Variants in SRGAP1 observed in about 807,000 individuals in gnomAD.
SRGAP1 encodes SLIT-ROBO Rho GTPase activating protein 1.
SRGAP1 carries 43 observed loss-of-function variants against 121.9 expected under a neutral mutation model. That is an observed-to-expected ratio of 0.35 (90% CI 0.28 to 0.46). The LOEUF (loss-of-function observed/expected upper bound fraction) is 0.46, where lower values mean the gene tolerates loss of function less well. Among genes scored for constraint, SRGAP1 ranks in the 20% least tolerant of loss-of-function variants. The probability of loss-of-function intolerance (pLI) is 1.00; values close to 1 mark genes in which losing one functional copy is unlikely to be tolerated. For synonymous variants in SRGAP1, 447 were observed against 485.4 expected (o/e 0.92, Z 1.04); for missense variants, 1,102 against 1,350.9 (o/e 0.82, Z 2.89).
intron 1 of SRGAP1, among the ~76,000 whole-genome samples, chr12:63,856,826 A>G (rs1899268013): frequency 6.6e-6 from 1 of 152,144 alleles, no homozygotes; most frequent in Non-Finnish European, 1.5e-5. Flanking sequence ...TCCATTGAAA[A>G]CACATTGGCA....
chr12:63,969,374 T>C (rs1026453847), intron 1 of SRGAP1, among the ~76,000 whole-genome samples: 4 of 152,212 alleles, frequency 2.6e-5, no homozygotes, highest in Admixed American at 1.3e-4. Context: ...CCGAATAACC[T>C]ACTCTTTCGT....
At chr12:63,879,798 A>T (rs1166359978) in intron 1 of SRGAP1, among the ~76,000 whole-genome samples, 1 of 152,210 alleles carries the variant, frequency 6.6e-6, no homozygotes, top group East Asian at 1.9e-4. Context: ...TATCTACCCA[A>T]ATCCATGTTC....
intron 8 of SRGAP1, among the ~76,000 whole-genome samples, chr12:64,070,852 C>T (rs2035624309): frequency 6.6e-6 from 1 of 152,102 alleles, no homozygotes; most frequent in African/African-American, 2.4e-5. Flanking sequence ...TCTTATAGTA[C>T]CAGTGACCTC....
intron 14 of SRGAP1, among the ~76,000 whole-genome samples, chr12:64,095,812 A>G (rs1464623630): frequency 1.3e-5 from 2 of 152,180 alleles, no homozygotes; most frequent in Non-Finnish European, 1.5e-5. Context: ...CCAGGCATAC[A>G]GTGTGTAATG....
At chr12:64,086,679 G>A (rs2035945373) in intron 10 of SRGAP1, among the ~76,000 whole-genome samples, 1 of 146,608 alleles carries the variant, frequency 6.8e-6, no homozygotes, top group Admixed American at 6.9e-5. Flanking sequence ...TTTCATTTTT[G>A]GGCTTACAGT....
At chr12:63,960,289 CCTCCGGAG>C (rs1322055467) in intron 1 of SRGAP1, among the ~76,000 whole-genome samples, 1 of 152,084 alleles carries the variant, frequency 6.6e-6, no homozygotes, top group Non-Finnish European at 1.5e-5. Flanking sequence ...TGAGGGTTCC[CCTCCGGAG>C]CTTCTGTGGG....
intron 1 of SRGAP1, among the ~76,000 whole-genome samples, chr12:63,892,783 G>T (rs1354135551): frequency 6.6e-6 from 1 of 152,074 alleles, no homozygotes; most frequent in African/African-American, 2.4e-5. Flanking sequence ...TTGAAAAAGG[G>T]CACAATCTAG....
intron 1 of SRGAP1, among the ~76,000 whole-genome samples, chr12:63,980,090 G>T (rs2033207110): frequency 1.3e-5 from 2 of 152,182 alleles, no homozygotes; most frequent in South Asian, 2.1e-4. Flanking sequence ...TCACTCTGTT[G>T]TCCGGGCTGG....
rs1052632040 is a variant in SRGAP1 at position 64,108,975 on chromosome 12, C to G, written c.1857C>G (p.Leu619=). ...LYERALHIRK[L]LLTLPRSVLI... is the part of the protein sequence containing the mutation. ...AGAGGGCGCTTCACATCCGCAAACTCCTCCTGACTTTGCCCAGGTCGGTCC... is the reference window on the plus strand; with the variant it reads ...AGAGGGCGCTTCACATCCGCAAACTGCTCCTGACTTTGCCCAGGTCGGTCC... Residue 619 remains leucine, a synonymous_variant, in exon 16 of 22, where the codon CTC becomes CTG. Transcript: ENST00000355086. 6.2e-7 allele frequency: 1 copy of G among 1,604,776 alleles called. No individual in the cohort carries two copies. The highest frequency in any genetic ancestry group is 1.3e-5 in the African/African-American group (1 of 74,926).
chr12:64,092,295 A>G (rs904619531), intron 12 of SRGAP1, among the ~76,000 whole-genome samples: 1 of 152,164 alleles, frequency 6.6e-6, no homozygotes, highest in African/African-American at 2.4e-5. Context: ...TTCACATTTT[A>G]TGGCATGGGC....
At position 64,087,681 on chromosome 12, in the gene SRGAP1, A is replaced by C. The variant is rs560533068; in HGVS notation, c.1436+655A>C. Among the ~76,000 whole-genome samples, 13 of 152,324 alleles carry C rather than the reference A, an allele frequency of 8.5e-5. No individual in the cohort carries two copies. The South Asian group carries it at 2.7e-3, about 32-fold the overall frequency. On this transcript the variant is annotated intron_variant, in intron 11 of 21. Transcript: ENST00000355086. ...AACCCGGCAGGCGGAGGTTGCAGTGAGCCAAGATTGCGCCACCACACTCCA... is the reference window on the plus strand; with the variant it reads ...AACCCGGCAGGCGGAGGTTGCAGTGCGCCAAGATTGCGCCACCACACTCCA...
At chr12:64,085,993 A>G (rs1053582764) in intron 10 of SRGAP1, among the ~76,000 whole-genome samples, 4 of 152,218 alleles carry the variant, frequency 2.6e-5, no homozygotes, top group Admixed American at 2.6e-4. Context: ...AGAGGAGATA[A>G]TAGAGTCAAA....
chr12:64,046,707 A>T (rs2035137430), intron 6 of SRGAP1, among the ~76,000 whole-genome samples: 1 of 152,272 alleles, frequency 6.6e-6, no homozygotes, highest in Middle Eastern at 3.4e-3. Context: ...GAAGACTGAG[A>T]TACCTATCAG....
At chr12:64,004,465 G>A (rs780792469) in intron 3 of SRGAP1, among the ~76,000 whole-genome samples, 1 of 152,010 alleles carries the variant, frequency 6.6e-6, no homozygotes, top group Non-Finnish European at 1.5e-5. Flanking sequence ...TCCACCTTCC[G>A]AGTTCAAGTG....
intron 1 of SRGAP1, among the ~76,000 whole-genome samples, chr12:63,897,084 A>G (rs1900779347): frequency 6.6e-6 from 1 of 152,178 alleles, no homozygotes; most frequent in African/African-American, 2.4e-5. Context: ...TTTTTATATA[A>G]TAGACATAAA....
At chr12:64,132,453 T>C (rs1307417559) in intron 21 of SRGAP1, among the ~76,000 whole-genome samples, 1 of 152,186 alleles carries the variant, frequency 6.6e-6, no homozygotes, top group Non-Finnish European at 1.5e-5. Context: ...TGGGCCAGAG[T>C]AACACACCCA....
chr12:63,991,288 A>G (rs1362156157), intron 3 of SRGAP1, among the ~76,000 whole-genome samples: 2 of 152,186 alleles, frequency 1.3e-5, no homozygotes, highest in African/African-American at 4.8e-5. Flanking sequence ...GATTAATGAC[A>G]TATTTATGTT....
At chr12:63,948,161 A>G (rs575578350) in intron 1 of SRGAP1, among the ~76,000 whole-genome samples, 16 of 152,288 alleles carry the variant, frequency 1.1e-4, no homozygotes, top group African/African-American at 3.6e-4. Context: ...GGAGGTCTTT[A>G]TAATGTTAAA....
At chr12:63,893,754 C>T (rs1443592769) in intron 1 of SRGAP1, among the ~76,000 whole-genome samples, 1 of 152,122 alleles carries the variant, frequency 6.6e-6, no homozygotes, top group African/African-American at 2.4e-5. Context: ...TTTTAATATC[C>T]ACTATTTGTC....
Sources: gnomAD v4.1 joint callset for allele counts (sites outside exome capture counted in the v4.1 genomes callset) on GRCh38, gnomAD v4.1.1 for gene constraint, MANE v1.5 for transcripts, NCBI Gene and HGNC (gene_info 2026-07-23, HGNC 2026-07-21) for gene names.